Variants in COL21A1 observed in about 807,000 individuals in gnomAD.
COL21A1 encodes collagen alpha-1(XXI) chain.
Under a neutral mutation model 137.9 loss-of-function variants are expected in COL21A1, and 149 were observed. The observed-to-expected ratio is 1.08, with a 90% CI of 0.95 to 1.24. The LOEUF (loss-of-function observed/expected upper bound fraction) is 1.24, where lower values mean the gene tolerates loss of function less well. Ranked by LOEUF, COL21A1 falls within the 50% of genes most tolerant of loss-of-function variation. The probability of loss-of-function intolerance (pLI) is 0.00; values close to 1 mark genes in which losing one functional copy is unlikely to be tolerated. For missense variants in COL21A1, 1,167 were observed against 1,158.4 expected (o/e 1.01, Z -0.11); for synonymous variants, 456 against 391.5 (o/e 1.16, Z -1.95).
At chr6:56,264,286 A>G (rs1763346859) in intron 1 of COL21A1, among the ~76,000 whole-genome samples, 1 of 152,178 alleles carries the variant, frequency 6.6e-6, no homozygotes, top group South Asian at 2.1e-4. Context: ...CATCAGTAGG[A>G]GCAACATAAA....
chr6:56,359,391 TG>T (rs1439025692), intron 1 of COL21A1, among the ~76,000 whole-genome samples: 1 of 152,184 alleles, frequency 6.6e-6, no homozygotes, highest in Non-Finnish European at 1.5e-5. Flanking sequence ...AAACACCGTC[TG>T]TGTTGTTCAG....
At chr6:56,363,515 G>C (rs1328516720) in intron 1 of COL21A1, among the ~76,000 whole-genome samples, 3 of 152,166 alleles carry the variant, frequency 2.0e-5, no homozygotes, top group Non-Finnish European at 4.4e-5. Flanking sequence ...GATCACTGTG[G>C]GAGCCATTTT....
At chr6:56,087,586 T>C (rs1170474357) in intron 17 of COL21A1, among the ~76,000 whole-genome samples, 2 of 152,188 alleles carry the variant, frequency 1.3e-5, no homozygotes, top group African/African-American at 4.8e-5. Flanking sequence ...ATCCAGGCTT[T>C]CTTGTTATAC....
intron 1 of COL21A1, among the ~76,000 whole-genome samples, chr6:56,246,118 G>T (rs1192298956): frequency 2.0e-5 from 3 of 149,720 alleles, no homozygotes; most frequent in Non-Finnish European, 4.5e-5. Flanking sequence ...AAAAAAAAAT[G>T]GTCCACTTCA....
At chr6:56,304,092 A>T (rs1346266893) in intron 1 of COL21A1, among the ~76,000 whole-genome samples, 1 of 152,184 alleles carries the variant, frequency 6.6e-6, no homozygotes, top group East Asian at 1.9e-4. Context: ...CCACTTGATC[A>T]TGGTGGATAA....
At chr6:56,063,799 T>G (rs376388358) in intron 24 of COL21A1, among the ~76,000 whole-genome samples, 1 of 152,032 alleles carries the variant, frequency 6.6e-6, no homozygotes, top group African/African-American at 2.4e-5. Context: ...TTGGTGTAAT[T>G]GCAGAATCTT....
intron 1 of COL21A1, among the ~76,000 whole-genome samples, chr6:56,392,436 G>A (rs1040510614): frequency 1.3e-5 from 2 of 152,120 alleles, no homozygotes; most frequent in African/African-American, 4.8e-5. Context: ...TCTGGAACAA[G>A]ACAAGGATGC....
At chr6:56,340,882 GC>G (rs1334743067) in intron 1 of COL21A1, among the ~76,000 whole-genome samples, 4 of 152,158 alleles carry the variant, frequency 2.6e-5, no homozygotes, top group African/African-American at 7.2e-5. Context: ...TTCTCTGTCA[GC>G]CCAAGGTGTC....
chr6:56,282,859 C>T (rs1338815849), intron 1 of COL21A1, among the ~76,000 whole-genome samples: 1 of 152,156 alleles, frequency 6.6e-6, no homozygotes, highest in Non-Finnish European at 1.5e-5. Context: ...CACATTCAAA[C>T]CTATTGTATG....
intron 1 of COL21A1, among the ~76,000 whole-genome samples, chr6:56,325,115 G>C (rs1764977124): frequency 6.8e-6 from 1 of 148,112 alleles, no homozygotes; most frequent in Admixed American, 7.0e-5. Context: ...CTGTTTCTCA[G>C]GGTCTTTATT....
At chr6:56,257,162 T>C (rs928720510) in intron 1 of COL21A1, among the ~76,000 whole-genome samples, 2 of 152,296 alleles carry the variant, frequency 1.3e-5, no homozygotes, top group Non-Finnish European at 2.9e-5. Flanking sequence ...AGCATGTGAA[T>C]CTTATTCCCC....
In COL21A1 at chr6:56,305,890, G is replaced by T. The variant is rs534640445; in HGVS notation, c.-39+88081C>A. On this transcript the variant is annotated intron_variant, in intron 1 of 28. Transcript: ENST00000370819. Reference sequence around the variant, plus strand: ...GCTGGTACTGGTTGTTCCTTCCCATGTTTAGTGCTTCCTTCAGGAGCTCTT... The same window carrying T: ...GCTGGTACTGGTTGTTCCTTCCCATTTTTAGTGCTTCCTTCAGGAGCTCTT... 3.7e-3 allele frequency among the ~76,000 whole-genome samples: 568 copies of T among 151,822 alleles called. 3 individuals are homozygous for T. Among genetic ancestry groups the T allele is most frequent in the African/African-American group, 0.013 (540 of 41,404 alleles).
chr6:56,190,229 A>T lies in COL21A1; in HGVS notation c.-38-7573T>A, dbSNP rs544077712. Among the ~76,000 whole-genome samples the T allele has an allele frequency of 2.6e-5, 4 of 152,328 alleles. No individual in the cohort carries two copies. The South Asian group carries it at 8.3e-4, about 32-fold the overall frequency. On this transcript the variant is annotated intron_variant, in intron 1 of 29. Transcript: ENST00000244728. ...ATAAAGAAGAAAAGAGAAGAATCAA[A>T]TAGATGGAATAAAAAATGATATAGG...
chr6:56,167,353 G>A (rs915217344), intron 6 of COL21A1, among the ~76,000 whole-genome samples: 2 of 152,180 alleles, frequency 1.3e-5, no homozygotes, highest in Admixed American at 1.3e-4. Context: ...GGTATAGGGT[G>A]GACTCAAGAA....
chr6:56,233,160 C>T (rs1344077804), intron 1 of COL21A1, among the ~76,000 whole-genome samples: 1 of 151,788 alleles, frequency 6.6e-6, no homozygotes, highest in Non-Finnish European at 1.5e-5. Flanking sequence ...GTAGCTTCCC[C>T]ACAAGCAAAA....
chr6:56,164,741 G>A, intron 8 of COL21A1, 73 bp downstream of exon 8: 1 of 1,212,778 alleles, frequency 8.2e-7, no homozygotes, highest in Non-Finnish European at 1.2e-6. Flanking sequence ...CATACTTACA[G>A]TTGTTGGAAA....
chr6:56,387,347 AGAG>A (rs757827277), intron 1 of COL21A1, among the ~76,000 whole-genome samples: 4 of 152,194 alleles, frequency 2.6e-5, no homozygotes, highest in Admixed American at 1.3e-4. Context: ...AGTCTGTGCA[AGAG>A]GAGGACAGAA....
In COL21A1 at chr6:56,125,298, C is replaced by T. The variant is rs534903699; in HGVS notation, c.1650+269G>A. 27 of 219,268 alleles carry T rather than the reference C, an allele frequency of 1.2e-4. 1 individual carries two copies. In the South Asian group the frequency reaches 3.0e-3, roughly 25 times the overall value. 13.6% of individuals were successfully genotyped at this position (219,268 alleles called of 1,614,324 possible). Reference sequence around the variant, plus strand: ...CCTCCCAAAGTGCTGGGATTACAGGCGTGAGCCACCGCGCCCGGCCTGTAA... The same window carrying T: ...CCTCCCAAAGTGCTGGGATTACAGGTGTGAGCCACCGCGCCCGGCCTGTAA... On this transcript the variant is annotated intron_variant, in intron 14 of 29. Coordinates refer to ENST00000244728, the MANE Select transcript of COL21A1 (RefSeq NM_030820.4).
intron 1 of COL21A1, among the ~76,000 whole-genome samples, chr6:56,197,488 A>G (rs1378660235): frequency 3.3e-5 from 5 of 152,144 alleles, no homozygotes; most frequent in African/African-American, 1.2e-4. Context: ...TCTAAAATAC[A>G]TAAGAAACCC....
Sources: allele counts gnomAD v4.1 joint callset (sites outside exome capture counted in the v4.1 genomes callset), GRCh38; gene constraint gnomAD v4.1.1; transcripts MANE v1.5; gene names NCBI Gene and HGNC (gene_info 2026-07-23, HGNC 2026-07-21).